HK3: variants seen among roughly 807,000 people sequenced by gnomAD.
HK3 encodes the protein hexokinase 3, also known as hexokinase-3.
HK3 carries 93 observed loss-of-function variants against 91.0 expected under a neutral mutation model. That is an observed-to-expected ratio of 1.02 (90% CI 0.86 to 1.21). HK3 has a LOEUF of 1.21. Among genes scored for constraint, HK3 ranks in the 50% most tolerant of loss-of-function variants. The pLI, the probability that HK3 is intolerant of heterozygous loss-of-function variation, is 0.00. For synonymous variants in HK3, 519 were observed against 516.9 expected (o/e 1.00, Z -0.06); for missense variants, 1,235 against 1,247.4 (o/e 0.99, Z 0.15).
Position 176,883,788 on chromosome 5 carries a change from C to A in HK3, c.2035G>T (p.Glu679Ter). The A allele has an allele frequency of 5.0e-6, 8 of 1,613,928 alleles. No homozygotes were observed. The highest frequency in any genetic ancestry group is 6.8e-6 in the Non-Finnish European group (8 of 1,179,896). The stretch of plus-strand genomic sequence containing the variant: ...TCCTCACCGACAATGAGGCCTATCT[C>A]GCAACGGGGGTCCTCATAGCCACAG... The part of the protein sequence containing the change: ...MSCGYEDPRC[E>*]IGLIVGTGTN... The change falls in exon 15 of 19, where the codon GAG becomes TAG. Residue 679 changes from glutamate to a stop codon, truncating the protein, a stop_gained. Transcript: ENST00000292432. LOFTEE classifies it high-confidence loss of function.
At chr5:176,886,758 G>A (rs187921824) in intron 13 of HK3, among the ~76,000 whole-genome samples, 43 of 152,322 alleles carry the variant, frequency 2.8e-4, no homozygotes, top group Non-Finnish European at 5.1e-4. Flanking sequence ...TAAAATGGAC[G>A]ATCTGTCCTC....
Position 176,887,759 on chromosome 5 carries a change from A to G in HK3, c.1305-13T>C, listed in dbSNP as rs772334162. 6.3e-7 allele frequency: 1 copy of G among 1,592,640 alleles called. No homozygotes were observed. The highest frequency in any genetic ancestry group is 1.7e-5 in the Admixed American group (1 of 59,236). On this transcript the variant is annotated splice_polypyrimidine_tract_variant and intron_variant, in intron 10 of 18. Coordinates refer to ENST00000292432, the MANE Select transcript of HK3 (RefSeq NM_002115.3). The surrounding 1 kb of genome is among the most constrained non-coding windows in gnomAD (Gnocchi z 4.9). ...GACGCTGCAGAACCTACAGATACATACAGGTGCACCCGGCTTGGCCCTGGA... is the reference window on the plus strand; with the variant it reads ...GACGCTGCAGAACCTACAGATACATGCAGGTGCACCCGGCTTGGCCCTGGA...
rs772794959 is a variant in HK3 at position 176,883,816 on chromosome 5, C to T, written c.2007G>A (p.Met669Ile). Residue 669 changes from methionine to isoleucine, a missense_variant, in exon 15 of 19, where the codon ATG (methionine) becomes ATA (isoleucine). Physicochemically the swap from Met to Ile is conservative, Grantham distance 10. Around this residue, in one of 3 missense-constraint regions of HK3, gnomAD observed 513 missense variants for 477.4 expected, o/e 1.07. Coordinates refer to ENST00000292432, the MANE Select transcript of HK3 (RefSeq NM_002115.3). ...AACGGGGGTCCTCATAGCCACAGGA[C>T]ATCATGGTCCCCACCGTGTCATTGA... is the stretch of plus-strand genomic sequence containing the variant. ...AIVNDTVGTM[M>I]SCGYEDPRCE... is the part of the protein sequence containing the mutation. The T allele has an allele frequency of 6.2e-6, 10 of 1,614,014 alleles. No homozygotes were observed. The highest frequency in any genetic ancestry group is 7.6e-6 in the Non-Finnish European group (9 of 1,180,036).
chr5:176,897,358 A>G (rs761146143), intron 1 of HK3, among the ~76,000 whole-genome samples: 2 of 152,094 alleles, frequency 1.3e-5, no homozygotes, highest in Non-Finnish European at 2.9e-5. Flanking sequence ...GGTGCTCTTT[A>G]GGGGTGGGGG....
chr5:176,886,130 G>T (rs1298526545), intron 13 of HK3, among the ~76,000 whole-genome samples: 2 of 152,064 alleles, frequency 1.3e-5, no homozygotes, highest in Non-Finnish European at 2.9e-5. Flanking sequence ...TTGGGAGGCT[G>T]AGGCAGGAGG....
In HK3 at chr5:176,881,936, G is replaced by C; in HGVS notation, c.2237+8C>G. On this transcript the variant is annotated splice_region_variant and intron_variant, in intron 16 of 18. Transcript: ENST00000292432. ...AGCCAGCCACCACTGCCTGGGCCCA[G>C]CCCACACCTCTGCTTGCCGGGGTTG... The C allele has an allele frequency of 1.9e-6, 3 of 1,613,478 alleles. No individual in the cohort carries two copies. The highest frequency in any genetic ancestry group is 1.7e-6 in the Non-Finnish European group (2 of 1,179,814).
intron 8 of HK3, 63 bp downstream of exon 8, chr5:176,889,318 T>C (rs1264126204): frequency 6.5e-7 from 1 of 1,534,938 alleles, no homozygotes; most frequent in African/African-American, 1.4e-5. Context: ...ACAGAAGGGG[T>C]TGGGAGCAGA....
rs548377686 is a variant in HK3, at chr5:176,887,660, C to T, written c.1391G>A (p.Arg464Gln). The stretch of plus-strand genomic sequence containing the variant: ...CACGGCAGTCACCATCGCCACTCCC[C>T]GGCCACCACCATCCACAGAGGGGAT... ...SLIPSVDGGG[R>Q]GVAMVTAVAA... Residue 464 changes from arginine to glutamine, a missense_variant, in exon 11 of 19, where the codon CGG becomes CAG. By Grantham distance (43) the Arg-to-Gln change is conservative. Coordinates refer to ENST00000292432, the MANE Select transcript of HK3 (RefSeq NM_002115.3). The surrounding 1 kb of genome is among the most constrained non-coding windows in gnomAD (Gnocchi z 4.9). 2.4e-5 allele frequency: 39 copies of T among 1,613,712 alleles called. No homozygotes were observed. Among genetic ancestry groups the T allele is most frequent in the Non-Finnish European group, 3.1e-5 (36 of 1,179,984 alleles).
At chr5:176,892,949 G>T (rs947682619) in intron 2 of HK3, among the ~76,000 whole-genome samples, 1 of 152,208 alleles carries the variant, frequency 6.6e-6, no homozygotes, top group Non-Finnish European at 1.5e-5. Context: ...CCTGCTAGGG[G>T]TGCCCATGCC....
Position 176,884,585 on chromosome 5 carries a change from G to T in HK3, c.1858-451C>A, listed in dbSNP as rs1158117038. ...TAGAGGAAGGAATTCTCAGCTTCAGGGATAGAGCCGTGTCAATGGGCGAGT... is the reference window on the plus strand; with the variant it reads ...TAGAGGAAGGAATTCTCAGCTTCAGTGATAGAGCCGTGTCAATGGGCGAGT... On this transcript the variant is annotated intron_variant, in intron 13 of 18. Coordinates refer to ENST00000292432, the MANE Select transcript of HK3 (RefSeq NM_002115.3). This position sits in a 1 kb window ranked among gnomAD's most constrained non-coding sequence, Gnocchi z 4.1. Among the ~76,000 whole-genome samples the T allele has an allele frequency of 6.6e-6, 1 of 152,180 alleles. No individual in the cohort carries two copies. Among genetic ancestry groups the T allele is most frequent in the Non-Finnish European group, 1.5e-5 (1 of 68,036 alleles).
At chr5:176,886,476 G>A (rs934467527) in intron 13 of HK3, among the ~76,000 whole-genome samples, 27 of 151,952 alleles carry the variant, frequency 1.8e-4, no homozygotes, top group African/African-American at 6.3e-4. Flanking sequence ...TTGTTTCCGT[G>A]ACAGGCTTCC....
At chr5:176,890,444 T>C (rs958554674) in intron 6 of HK3, among the ~76,000 whole-genome samples, 191 bp downstream of exon 6, 26 of 152,240 alleles carry the variant, frequency 1.7e-4, no homozygotes, top group Admixed American at 1.6e-3. Flanking sequence ...TTAGCCTCAG[T>C]GTTTTTTAAC....
intron 17 of HK3, 37 bp from the exon 18 acceptor site, chr5:176,881,572 G>A: frequency 6.3e-7 from 1 of 1,586,684 alleles, no homozygotes. Context: ...AGGGAGGTGG[G>A]TCGTGACTTC....
In HK3 at chr5:176,881,224, G is replaced by C; in HGVS notation, c.2628-7C>G. The stretch of plus-strand genomic sequence containing the variant: ...CGCCACCAGGCTGGAGAAGCTGTGA[G>C]AGGAGGGCTGAGGTGAGCCCAGGCC... On this transcript the variant is annotated splice_polypyrimidine_tract_variant and splice_region_variant and intron_variant, in intron 18 of 18. Transcript: ENST00000292432. The C allele has an allele frequency of 6.2e-7, 1 of 1,613,122 alleles. No individual in the cohort carries two copies. The highest frequency in any genetic ancestry group is 1.7e-5 in the Admixed American group (1 of 60,008).
Position 176,881,111 on chromosome 5 carries a change from C to T in HK3, c.2734G>A (p.Ala912Thr), listed in dbSNP as rs1413800944. 33 of 1,612,224 alleles carry T rather than the reference C, an allele frequency of 2.0e-5. No homozygotes were observed. Among genetic ancestry groups the T allele is most frequent in the Middle Eastern group, 1.6e-4 (1 of 6,072 alleles). ...GSGKGAALVT[A>T]VACRLAQLTR... ...AACTGCGCAAGGCGGCAGGCAACAG[C>T]GGTGACCAGGGCCGCACCTTTGCCG... The change falls in exon 19 of 19, where the codon GCT (alanine) becomes ACT (threonine). Residue 912 changes from alanine to threonine, a missense_variant. By Grantham distance (58) the Ala-to-Thr change is moderately conservative. This residue lies in a region of HK3 where 513 missense variants were observed against 477.4 expected (regional missense o/e 1.07). Coordinates refer to ENST00000292432, the MANE Select transcript of HK3 (RefSeq NM_002115.3).
At position 176,887,277 on chromosome 5, in the gene HK3, C is replaced by T. The variant is rs763620553; in HGVS notation, c.1661G>A (p.Arg554His). 9 of 1,613,920 alleles carry T rather than the reference C, an allele frequency of 5.6e-6. No individual in the cohort carries two copies. Among genetic ancestry groups the T allele is most frequent in the Non-Finnish European group, 5.9e-6 (7 of 1,180,008 alleles). ...GGTNFRVLLV[R>H]VTTGVQITSE... ...GGTGATCTGCACGCCTGTGGTCACA[C>T]GTACCAGGAGGACACGGAAGTTCGT... The change falls in exon 12 of 19, where the codon CGT (arginine) becomes CAT (histidine). Residue 554 changes from arginine (R) to histidine (H), a missense_variant. This residue lies in a region of HK3 where 717 missense variants were observed against 751.6 expected (regional missense o/e 0.95). Transcript: ENST00000292432. The surrounding 1 kb of genome is among the most constrained non-coding windows in gnomAD (Gnocchi z 4.9).
intron 4 of HK3, 36 bp downstream of exon 4, chr5:176,891,000 GC>G (rs1395930519): frequency 6.2e-7 from 1 of 1,613,828 alleles, no homozygotes; most frequent in Non-Finnish European, 8.5e-7. Flanking sequence ...ACCCAGCCAG[GC>G]CCCCAGACCC....
rs1003418763 is a variant in HK3, at chr5:176,884,792, C to T, written c.1858-658G>A. Among the ~76,000 whole-genome samples, 1 of 152,038 alleles carries T rather than the reference C, an allele frequency of 6.6e-6. No homozygotes were observed. Among genetic ancestry groups the T allele is most frequent in the African/African-American group, 2.4e-5 (1 of 41,398 alleles). On this transcript the variant is annotated intron_variant, in intron 13 of 18. Coordinates refer to ENST00000292432, the MANE Select transcript of HK3 (RefSeq NM_002115.3). The surrounding 1 kb of genome is among the most constrained non-coding windows in gnomAD (Gnocchi z 4.1). ...AGTGTGCGTCCTCTGAGGGAGGGGG[C>T]AGGGGGAGCAGGAATTAGTCTACAG...
chr5:176,890,945 CAGG>C lies in HK3; in HGVS notation c.415-7_415-5del. ...AGTGGGCAGCAAAGTCAAAGAGCTG[CAGG>C]AGAAGTGGGGGGGCTCAGCCTTGCC... On this transcript the variant is annotated splice_region_variant and splice_polypyrimidine_tract_variant and intron_variant, in intron 4 of 18. Transcript: ENST00000292432. 1 of 1,614,032 alleles carries C rather than the reference CAGG, an allele frequency of 6.2e-7. No homozygotes were observed. The highest frequency in any genetic ancestry group is 8.5e-7 in the Non-Finnish European group (1 of 1,180,034).
Sources: gnomAD v4.1 joint callset for allele counts (sites outside exome capture counted in the v4.1 genomes callset) on GRCh38, gnomAD v4.1.1 for gene constraint, gnomAD v4.1.1 regional missense constraint, Gnocchi (gnomAD v3.1) non-coding constraint, MANE v1.5 for transcripts, NCBI Gene and HGNC (gene_info 2026-07-23, HGNC 2026-07-21) for gene names.